NRG1: variants seen among roughly 807,000 people sequenced by gnomAD.
NRG1 encodes the protein neuregulin 1.
In NRG1, 18 loss-of-function variants were observed where a neutral mutation model predicts 63.8. The observed-to-expected ratio is 0.28, with a 90% CI of 0.19 to 0.42. The LOEUF (loss-of-function observed/expected upper bound fraction) is 0.42. Ranked by LOEUF, NRG1 falls within the 10% of genes least tolerant of loss-of-function variation. The probability of loss-of-function intolerance (pLI) is 1.00; values close to 1 mark genes in which losing one functional copy is unlikely to be tolerated. For missense variants in NRG1, 762 were observed against 814.7 expected, an observed-to-expected ratio of 0.94 and a Z score of 0.79; for synonymous variants, 302 against 301.3, an observed-to-expected ratio of 1.00 and a Z score of -0.02.
At chr8:32,374,101 A>G (rs1444742591) in intron 1 of NRG1, among the ~76,000 whole-genome samples, 1 of 152,210 alleles carries the variant, frequency 6.6e-6, no homozygotes, top group Non-Finnish European at 1.5e-5. Flanking sequence ...CACAATGTAG[A>G]GATCAACCAG....
chr8:32,156,552 A>G (rs552496123), intron 1 of NRG1, among the ~76,000 whole-genome samples: 5 of 151,570 alleles, frequency 3.3e-5, no homozygotes, highest in Admixed American at 2.6e-4. Flanking sequence ...TCTATTGAAT[A>G]AATAATGAAT....
chr8:32,269,381 TC>T (rs1851314716), intron 1 of NRG1, among the ~76,000 whole-genome samples: 1 of 152,184 alleles, frequency 6.6e-6, no homozygotes, highest in Non-Finnish European at 1.5e-5. Flanking sequence ...TTCTAAAAAG[TC>T]TGTGAACCCC....
intron 1 of NRG1, among the ~76,000 whole-genome samples, chr8:31,893,563 C>T (rs1246929051): frequency 6.6e-6 from 1 of 151,192 alleles, no homozygotes. Flanking sequence ...ATAACATGCT[C>T]ATATAAATAA....
chr8:32,464,145 C>T (rs899659443), intron 1 of NRG1, among the ~76,000 whole-genome samples: 3 of 151,734 alleles, frequency 2.0e-5, no homozygotes, highest in Non-Finnish European at 4.4e-5. Context: ...CCTCCCGCCT[C>T]AGTCCCCCAG....
chr8:31,907,219 T>G (rs1215909486), intron 1 of NRG1, among the ~76,000 whole-genome samples: 1 of 123,628 alleles, frequency 8.1e-6, no homozygotes, highest in Non-Finnish European at 1.7e-5. Context: ...GATGAACTCC[T>G]GATGGGTTGA....
chr8:32,728,129 G>C (rs1564049282), intron 6 of NRG1, 51 bp downstream of exon 6: 1 of 1,607,048 alleles, frequency 6.2e-7, no homozygotes, highest in Non-Finnish European at 8.5e-7. Flanking sequence ...CCTTGTTTCA[G>C]ATGATTCTAT....
chr8:32,223,273 T>G (rs1846008622), intron 1 of NRG1, among the ~76,000 whole-genome samples: 1 of 152,264 alleles, frequency 6.6e-6, no homozygotes, highest in South Asian at 2.1e-4. Flanking sequence ...GAAATTACTG[T>G]GCAGCTGCTA....
chr8:31,663,570 A>T (rs1329524795), intron 1 of NRG1, among the ~76,000 whole-genome samples: 1 of 152,172 alleles, frequency 6.6e-6, no homozygotes, highest in Non-Finnish European at 1.5e-5. Flanking sequence ...TGGGTGTCCT[A>T]CTGCACCCAA....
intron 1 of NRG1, among the ~76,000 whole-genome samples, chr8:32,498,513 C>G (rs370248921): frequency 2.4e-4 from 37 of 152,042 alleles, no homozygotes; most frequent in African/African-American, 9.0e-4. Context: ...ATAAAACCAT[C>G]AGATCCTGTG....
intron 1 of NRG1, among the ~76,000 whole-genome samples, chr8:32,160,841 G>A (rs1049764409): frequency 2.6e-5 from 4 of 152,176 alleles, no homozygotes; most frequent in African/African-American, 9.7e-5. Context: ...AGCACTTAAA[G>A]AGAGATGAAT....
intron 5 of NRG1, among the ~76,000 whole-genome samples, chr8:32,666,449 C>T (rs1287058772): frequency 6.6e-6 from 1 of 152,034 alleles, no homozygotes; most frequent in Non-Finnish European, 1.5e-5. Context: ...CTTTCATTTT[C>T]AAACTTGCAA....
chr8:31,640,527 C>T lies in NRG1; in HGVS notation c.37+1096C>T. On this transcript the variant is annotated intron_variant, in intron 1 of 10. Coordinates refer to the NRG1 transcript ENST00000519301. The surrounding 1 kb of genome is among the most constrained non-coding windows in gnomAD (Gnocchi z 6.3). ...GGGGCTTGAAGAAGGACTCGCTGCT[C>T]ACCGTGCGCCTGGGGACCTGGGGCC... 1 of 1,611,636 alleles carries T rather than the reference C, an allele frequency of 6.2e-7. No homozygotes were observed.
intron 1 of NRG1, among the ~76,000 whole-genome samples, chr8:32,071,773 A>T (rs144318148): frequency 3.7e-4 from 56 of 152,324 alleles, no homozygotes; most frequent in Non-Finnish European, 6.3e-4. Flanking sequence ...CCTTGGAGTC[A>T]AATAAACCTA....
chr8:32,581,902 A>G (rs1840708756), intron 1 of NRG1, among the ~76,000 whole-genome samples: 1 of 152,122 alleles, frequency 6.6e-6, no homozygotes, highest in African/African-American at 2.4e-5. Flanking sequence ...GGATTGAACC[A>G]TCTTACAGCC....
At chr8:32,305,170 A>AT (rs976129466) in intron 1 of NRG1, among the ~76,000 whole-genome samples, 1 of 152,098 alleles carries the variant, frequency 6.6e-6, no homozygotes, top group Non-Finnish European at 1.5e-5. Flanking sequence ...ATAAGACTGT[A>AT]TTTTTTTAAA....
chr8:32,019,457 T>C (rs34467679), intron 1 of NRG1, among the ~76,000 whole-genome samples: 40,254 of 152,180 alleles, frequency 0.26, 5,939 homozygotes, highest in East Asian at 0.66. Flanking sequence ...GTACAGGTAC[T>C]GTGTAATATG....
chr8:32,277,513 C>T (rs1316369081), intron 1 of NRG1, among the ~76,000 whole-genome samples: 2 of 152,170 alleles, frequency 1.3e-5, no homozygotes, highest in African/African-American at 4.8e-5. Context: ...TTTACCTAAA[C>T]AATCATTATA....
At chr8:32,155,269 C>T (rs1215631221) in intron 1 of NRG1, among the ~76,000 whole-genome samples, 2 of 152,156 alleles carry the variant, frequency 1.3e-5, no homozygotes, top group East Asian at 3.9e-4. Flanking sequence ...TTTATTAATA[C>T]TCTTGCTCCA....
intron 1 of NRG1, among the ~76,000 whole-genome samples, chr8:32,195,402 GC>G (rs1239850626): frequency 6.7e-6 from 1 of 148,886 alleles, no homozygotes; most frequent in Non-Finnish European, 1.5e-5. Flanking sequence ...TTGTGCCACT[GC>G]AGTCCAGCCT....
Sources: allele counts gnomAD v4.1 joint callset (sites outside exome capture counted in the v4.1 genomes callset), GRCh38; gene constraint gnomAD v4.1.1; non-coding constraint Gnocchi (gnomAD v3.1); transcripts MANE v1.5; gene names NCBI Gene and HGNC (gene_info 2026-07-23, HGNC 2026-07-21).